PDE10A: variants seen among roughly 807,000 people sequenced by gnomAD.
The protein encoded by PDE10A is cAMP and cAMP-inhibited cGMP 3',5'-cyclic phosphodiesterase 10A.
Under a neutral mutation model 97.7 loss-of-function variants are expected in PDE10A, and 39 were observed. That is an observed-to-expected ratio of 0.40 (90% confidence interval 0.31 to 0.52). PDE10A has a LOEUF of 0.52. Ranked by LOEUF, PDE10A falls within the 20% of genes least tolerant of loss-of-function variation. PDE10A has a pLI of 0.56. For missense variants in PDE10A, 731 were observed against 1,047.8 expected, an observed-to-expected ratio of 0.70 and a Z score of 4.17; for synonymous variants, 371 against 376.8, an observed-to-expected ratio of 0.98 and a Z score of 0.18.
chr6:165,823,482 TTATATATATATATATATATATATATA>T (rs748139541), intron 1 of PDE10A, among the ~76,000 whole-genome samples: 906 of 37,484 alleles, frequency 0.024, 48 homozygotes, highest in African/African-American at 0.063. Context: ...ATAGTTAACT[TTATATATATATATATATATATATATA>T]TATATATATA....
intron 1 of PDE10A, among the ~76,000 whole-genome samples, chr6:165,874,289 G>C (rs890692665): frequency 6.6e-6 from 1 of 152,142 alleles, no homozygotes; most frequent in Non-Finnish European, 1.5e-5. Flanking sequence ...CACTAATGGA[G>C]TTACCTGCTT....
intron 1 of PDE10A, among the ~76,000 whole-genome samples, chr6:165,795,178 T>A (rs779104870): frequency 6.6e-6 from 1 of 152,328 alleles, no homozygotes; most frequent in African/African-American, 2.4e-5. Flanking sequence ...AGAACAAGCA[T>A]CACCTCTGGA....
chr6:165,763,214 CCT>C (rs1290158602), intron 1 of PDE10A, among the ~76,000 whole-genome samples: 1 of 152,200 alleles, frequency 6.6e-6, no homozygotes, highest in Non-Finnish European at 1.5e-5. Context: ...TTTCATCAAC[CCT>C]CTGTGGTGCC....
intron 1 of PDE10A, among the ~76,000 whole-genome samples, chr6:165,934,772 C>G (rs376994900): frequency 6.6e-6 from 1 of 151,436 alleles, no homozygotes; most frequent in East Asian, 1.9e-4. Flanking sequence ...ATGTGGTTTA[C>G]ACCACATTGG....
At chr6:165,942,735 G>A (rs534450529) in intron 1 of PDE10A, among the ~76,000 whole-genome samples, 1 of 152,268 alleles carries the variant, frequency 6.6e-6, no homozygotes, top group East Asian at 1.9e-4. Flanking sequence ...TACATAAAGT[G>A]CTTTAACCTC....
At chr6:165,470,076 G>A (rs181534206) in intron 3 of PDE10A, among the ~76,000 whole-genome samples, 130 of 152,260 alleles carry the variant, frequency 8.5e-4, no homozygotes, top group African/African-American at 9.6e-5. Context: ...CTGAGGCTAC[G>A]TAATTTATAA....
chr6:165,402,117 G>GTA (rs1786712329), intron 13 of PDE10A, among the ~76,000 whole-genome samples: 1 of 152,000 alleles, frequency 6.6e-6, no homozygotes, highest in Admixed American at 6.6e-5. Flanking sequence ...TAAGTGTTTT[G>GTA]TATGCATTAC....
chr6:165,543,914 CAGTT>C (rs1783601319), intron 1 of PDE10A, among the ~76,000 whole-genome samples: 1 of 151,940 alleles, frequency 6.6e-6, no homozygotes, highest in Admixed American at 6.6e-5. Context: ...AAAAAGAATG[CAGTT>C]AGTTTAGCAA....
At chr6:165,334,995 C>T (rs1781564764) in intron 21 of PDE10A, among the ~76,000 whole-genome samples, 1 of 152,182 alleles carries the variant, frequency 6.6e-6, no homozygotes, top group Non-Finnish European at 1.5e-5. Context: ...CCACTCCAAC[C>T]CACCCCAGGC....
At chr6:165,382,084 T>G (rs995682801) in intron 17 of PDE10A, among the ~76,000 whole-genome samples, 41 of 152,148 alleles carry the variant, frequency 2.7e-4, no homozygotes, top group African/African-American at 9.7e-4. Flanking sequence ...TTTCTAAAAC[T>G]TAACGTGGGT....
intron 1 of PDE10A, among the ~76,000 whole-genome samples, chr6:165,795,930 A>G (rs940852638): frequency 5.3e-5 from 8 of 152,098 alleles, no homozygotes; most frequent in Non-Finnish European, 8.8e-5. Flanking sequence ...TGTTCTGTGG[A>G]TTAGAACTGC....
intron 1 of PDE10A, among the ~76,000 whole-genome samples, chr6:165,843,494 C>T (rs1780319214): frequency 6.6e-6 from 1 of 152,214 alleles, no homozygotes; most frequent in African/African-American, 2.4e-5. Flanking sequence ...AGTCCAAGAG[C>T]AGGGCCCCTG....
At chr6:165,522,234 A>C (rs1300758304) in intron 2 of PDE10A, among the ~76,000 whole-genome samples, 2 of 152,180 alleles carry the variant, frequency 1.3e-5, no homozygotes, top group Non-Finnish European at 2.9e-5. Context: ...AAGAGCTGGT[A>C]CCAATCCTAG....
chr6:165,965,910 T>C (rs988526776), intron 1 of PDE10A, among the ~76,000 whole-genome samples: 4 of 152,106 alleles, frequency 2.6e-5, no homozygotes, highest in Admixed American at 2.6e-4. Context: ...CTTTTGTGAG[T>C]TTTGGTCATA....
chr6:165,783,411 C>T (rs1010556359), intron 1 of PDE10A, among the ~76,000 whole-genome samples: 1 of 152,134 alleles, frequency 6.6e-6, no homozygotes, highest in African/African-American at 2.4e-5. Context: ...CATGTTTTTA[C>T]CCATTCATAC....
intron 13 of PDE10A, among the ~76,000 whole-genome samples, chr6:165,410,459 CA>C (rs1385280843): frequency 2.0e-5 from 3 of 147,702 alleles, no homozygotes; most frequent in African/African-American, 7.6e-5. Flanking sequence ...CTCACTGTAA[CA>C]AAAAAAGTTC....
At chr6:165,406,385 T>C (rs1243450896) in intron 13 of PDE10A, among the ~76,000 whole-genome samples, 5 of 152,112 alleles carry the variant, frequency 3.3e-5, no homozygotes, top group South Asian at 2.1e-4. Context: ...CTTGGGAATA[T>C]ACAATACTCT....
At chr6:165,376,118 T>C (rs543790298) in intron 18 of PDE10A, among the ~76,000 whole-genome samples, 1 of 152,334 alleles carries the variant, frequency 6.6e-6, no homozygotes, top group Non-Finnish European at 1.5e-5. Flanking sequence ...TGTAAGAATA[T>C]AGCTGTTATA....
intron 1 of PDE10A, among the ~76,000 whole-genome samples, chr6:165,650,491 A>AATGT (rs112072236): frequency 0.4 from 59,957 of 151,620 alleles, 11,919 homozygotes; most frequent in Middle Eastern, 0.54. Flanking sequence ...CTAACATAAA[A>AATGT]ATGTATCTGA....
Sources: gnomAD v4.1 joint callset for allele counts (sites outside exome capture counted in the v4.1 genomes callset) on GRCh38, gnomAD v4.1.1 for gene constraint, MANE v1.5 for transcripts, NCBI Gene and HGNC (gene_info 2026-07-23, HGNC 2026-07-21) for gene names.